ISLR2: variants seen among roughly 807,000 people sequenced by gnomAD.
The protein encoded by ISLR2 is immunoglobulin superfamily containing leucine-rich repeat protein 2.
ISLR2 carries 16 observed loss-of-function variants against 25.5 expected under a neutral mutation model. The ratio of observed to expected loss-of-function variants is 0.63; its 90% CI spans 0.43 to 0.95. The LOEUF (loss-of-function observed/expected upper bound fraction) is 0.95, where lower values mean the gene tolerates loss of function less well. ISLR2 is among the 40% of genes least tolerant of loss of function. The pLI, the probability that ISLR2 is intolerant of heterozygous loss-of-function variation, is 0.00. For synonymous variants in ISLR2, 508 were observed against 486.6 expected, an observed-to-expected ratio of 1.04 and a Z score of -0.58; for missense variants, 883 against 1,030.7, an observed-to-expected ratio of 0.86 and a Z score of 1.96.
intron 2 of ISLR2, among the ~76,000 whole-genome samples, chr15:74,119,963 A>C (rs1408111707): frequency 6.6e-6 from 1 of 152,200 alleles, no homozygotes; most frequent in Non-Finnish European, 1.5e-5. Flanking sequence ...CAGGTCCTTC[A>C]GGCCAGCCCT....
intron 2 of ISLR2, among the ~76,000 whole-genome samples, chr15:74,122,010 G>A (rs775209457): frequency 6.6e-6 from 1 of 152,198 alleles, no homozygotes; most frequent in Non-Finnish European, 1.5e-5. Flanking sequence ...CCTGAAGTGG[G>A]GGCGCCTGTC....
Position 74,133,447 on chromosome 15 carries a change from A to G in ISLR2, c.693A>G (p.Ala231=). Residue 231 remains alanine, a synonymous_variant, in exon 3 of 3, where the codon GCA becomes GCG. Coordinates refer to ENST00000453268, the MANE Select transcript of ISLR2 (RefSeq NM_020851.3). ...PVYRLPALPC[A]PPSVHLSAEP... is the part of the protein sequence containing the mutation. ...ACCGCCTGCCCGCCCTGCCCTGTGC[A>G]CCGCCCAGCGTGCATCTGAGTGCCG... is the stretch of plus-strand genomic sequence containing the variant. 6.2e-7 allele frequency: 1 copy of G among 1,610,640 alleles called. No homozygotes were observed.
intron 2 of ISLR2, among the ~76,000 whole-genome samples, chr15:74,107,435 G>A (rs2072130029): frequency 1.3e-5 from 2 of 152,188 alleles, no homozygotes; most frequent in Non-Finnish European, 2.9e-5. Flanking sequence ...AGCCTCAGGG[G>A]CTTGTGGCAG....
downstream of ISLR2, among the ~76,000 whole-genome samples, chr15:74,141,612 C>T (rs145863772): frequency 6.6e-6 from 1 of 152,250 alleles, no homozygotes; most frequent in African/African-American, 2.4e-5. Context: ...ATATTTCAGG[C>T]ACATACTATG....
At chr15:74,108,171 T>C (rs1241418195) in intron 2 of ISLR2, among the ~76,000 whole-genome samples, 1 of 152,094 alleles carries the variant, frequency 6.6e-6, no homozygotes, top group African/African-American at 2.4e-5. Context: ...ACGCTAGAGT[T>C]AACTGAGGCT....
intron 2 of ISLR2, among the ~76,000 whole-genome samples, chr15:74,122,660 C>T (rs2072262262): frequency 6.6e-6 from 1 of 152,240 alleles, no homozygotes; most frequent in Admixed American, 6.5e-5. Context: ...CTCAGCTCTG[C>T]TTCTGGGAAG....
intron 2 of ISLR2, among the ~76,000 whole-genome samples, chr15:74,105,443 C>T (rs1002558102): frequency 2.1e-5 from 1 of 48,354 alleles, no homozygotes; most frequent in Non-Finnish European, 4.1e-5. Context: ...CCAGGACCGC[C>T]CCCCGCCCCG....
chr15:74,122,424 T>C (rs1326276225), intron 2 of ISLR2, among the ~76,000 whole-genome samples: 1 of 152,248 alleles, frequency 6.6e-6, no homozygotes, highest in Non-Finnish European at 1.5e-5. Context: ...TTGGCCAATG[T>C]CTGACTGCTG....
At chr15:74,138,920 C>A (rs536904813), downstream of ISLR2, among the ~76,000 whole-genome samples, 2 of 152,196 alleles carry the variant, frequency 1.3e-5, no homozygotes, top group Non-Finnish European at 2.9e-5. Flanking sequence ...TGGGAACAGG[C>A]CTGGCTGGGC....
chr15:74,106,964 A>G (rs1192298891), intron 2 of ISLR2, among the ~76,000 whole-genome samples: 1 of 152,088 alleles, frequency 6.6e-6, no homozygotes, highest in Non-Finnish European at 1.5e-5. Context: ...TGATATAAGA[A>G]CAGACCTTGG....
downstream of ISLR2, among the ~76,000 whole-genome samples, chr15:74,141,203 A>G (rs917526163): frequency 5.9e-5 from 9 of 152,260 alleles, no homozygotes; most frequent in Non-Finnish European, 7.3e-5. Flanking sequence ...TTAAGTCCAC[A>G]TAGAACAAGG....
intron 2 of ISLR2, among the ~76,000 whole-genome samples, chr15:74,117,315 A>T (rs1308816869): frequency 6.6e-6 from 1 of 152,214 alleles, no homozygotes; most frequent in Non-Finnish European, 1.5e-5. Context: ...TCTCAGTCTG[A>T]AAACTGGGTA....
rs754371923 is a variant in ISLR2, at chr15:74,133,638, T to G, written c.884T>G (p.Val295Gly). The stretch of plus-strand genomic sequence containing the variant: ...GTTCTGAGCGGGGAGGACGACGGGG[T>G]TGGGGCGGAGGAAGGAGAGGGAGAA... Reference protein sequence around the residue: ...PPVLSGEDDGVGAEEGEGEGD... With the variant: ...PPVLSGEDDGGGAEEGEGEGD... The change falls in exon 3 of 3, where the codon GTT becomes GGT. Residue 295 changes from valine to glycine, a missense_variant. Coordinates refer to ENST00000453268, the MANE Select transcript of ISLR2 (RefSeq NM_020851.3). 2.7e-5 allele frequency: 44 copies of G among 1,613,254 alleles called. No homozygotes were observed. The highest frequency in any genetic ancestry group is 3.6e-5 in the Non-Finnish European group (42 of 1,179,752).
upstream of ISLR2, chr15:74,126,942 GTGTGTGTGTGT>G (rs2072306245): frequency 1.4e-5 from 2 of 140,976 alleles, no homozygotes; most frequent in African/African-American, 2.9e-5. Flanking sequence ...GTGTGTGTGT[GTGTGTGTGTGT>G]CTGTGCGCGC....
chr15:74,117,573 C>G (rs539488784), intron 2 of ISLR2, among the ~76,000 whole-genome samples: 1 of 152,188 alleles, frequency 6.6e-6, no homozygotes, highest in South Asian at 2.1e-4. Context: ...ATCCCAGCTA[C>G]TTGGGAGGCT....
At chr15:74,111,671 A>C (rs1403404720) in intron 2 of ISLR2, among the ~76,000 whole-genome samples, 1 of 152,024 alleles carries the variant, frequency 6.6e-6, no homozygotes, top group Non-Finnish European at 1.5e-5. Context: ...TCCCAGGTTC[A>C]TGTGATTCTC....
At chr15:74,139,860 AGGAGTGT>A (rs1402939844), downstream of ISLR2, among the ~76,000 whole-genome samples, 1 of 128,146 alleles carries the variant, frequency 7.8e-6, no homozygotes, top group Non-Finnish European at 1.6e-5. Flanking sequence ...TAACGGCTTG[AGGAGTGT>A]GTGTGTGTGT....
rs1435364678 is a variant in ISLR2 at position 74,133,171 on chromosome 15, C to T, written c.417C>T (p.Pro139=). The change falls in exon 3 of 3, where the codon CCC becomes CCT. Residue 139 remains proline, a synonymous_variant. Coordinates refer to ENST00000453268, the MANE Select transcript of ISLR2 (RefSeq NM_020851.3). ...KMNHNRLGSL[P]RDALGALPDL... The stretch of plus-strand genomic sequence containing the variant: ...ACCACAACCGCCTGGGCTCTCTGCC[C>T]CGGGACGCACTCGGTGCGCTACCCG... 7 of 1,613,234 alleles carry T rather than the reference C, an allele frequency of 4.3e-6. No individual in the cohort carries two copies. The South Asian group carries it at 7.7e-5, about 18-fold the overall frequency.
Position 74,133,177 on chromosome 15 carries a change from C to A in ISLR2, c.423C>A (p.Asp141Glu). Residue 141 changes from aspartate (D) to glutamate (E), a missense_variant, in exon 3 of 3, where the codon GAC (aspartate) becomes GAA (glutamate). Asp to Glu is a conservative substitution (Grantham distance 45). This residue lies in a region of ISLR2 where 271 missense variants were observed against 387.9 expected (regional missense o/e 0.70). Transcript: ENST00000453268. ...NHNRLGSLPR[D>E]ALGALPDLRS... ...ACCGCCTGGGCTCTCTGCCCCGGGA[C>A]GCACTCGGTGCGCTACCCGACCTGC... 1 of 1,613,216 alleles carries A rather than the reference C, an allele frequency of 6.2e-7. No individual in the cohort carries two copies. The highest frequency in any genetic ancestry group is 8.5e-7 in the Non-Finnish European group (1 of 1,179,988).
Sources: allele counts gnomAD v4.1 joint callset (sites outside exome capture counted in the v4.1 genomes callset), GRCh38; gene constraint gnomAD v4.1.1; regional missense constraint gnomAD v4.1.1; transcripts MANE v1.5; gene names NCBI Gene and HGNC (gene_info 2026-07-23, HGNC 2026-07-21).